Variants in INTS4 observed in about 807,000 individuals in gnomAD.
The protein encoded by INTS4 is integrator complex subunit 4.
A neutral mutation model predicts 119.5 loss-of-function variants in INTS4; 70 were observed. That is an observed-to-expected ratio of 0.59 (90% CI 0.48 to 0.71). The LOEUF (loss-of-function observed/expected upper bound fraction) is 0.71, where lower values mean the gene tolerates loss of function less well. INTS4 is among the 30% of genes least tolerant of loss of function. The probability of loss-of-function intolerance (pLI) is 0.00; values close to 1 mark genes in which losing one functional copy is unlikely to be tolerated. For missense variants in INTS4, 867 were observed against 1,173.2 expected (o/e 0.74, Z 3.81); for synonymous variants, 316 against 419.6 (o/e 0.75, Z 3.02).
At chr11:77,943,810 G>C (rs1953985409) in intron 8 of INTS4, among the ~76,000 whole-genome samples, 1 of 152,166 alleles carries the variant, frequency 6.6e-6, no homozygotes, top group Non-Finnish European at 1.5e-5. Flanking sequence ...TATCACACCT[G>C]CTTTAAGAAC....
chr11:77,907,813 A>G lies in INTS4; in HGVS notation c.1923-3T>C. On this transcript the variant is annotated splice_polypyrimidine_tract_variant and splice_region_variant and intron_variant, in intron 15 of 22. Coordinates refer to ENST00000534064, the MANE Select transcript of INTS4 (RefSeq NM_033547.4). ...GTTCTCCAAGTCTTTGCAGATCCCT[A>G]TAGTAAATAAAACCCCCAAGGCAAA... 7 of 1,599,884 alleles carry G rather than the reference A, an allele frequency of 4.4e-6. No individual in the cohort carries two copies. Among genetic ancestry groups the G allele is most frequent in the Non-Finnish European group, 6.0e-6 (7 of 1,168,344 alleles).
At chr11:77,970,896 C>G (rs1855703227) in intron 4 of INTS4, among the ~76,000 whole-genome samples, 1 of 152,148 alleles carries the variant, frequency 6.6e-6, no homozygotes, top group African/African-American at 2.4e-5. Flanking sequence ...ACTGCAACCT[C>G]CACCTCCCAG....
Position 77,980,097 on chromosome 11 carries a change from A to G in INTS4, c.365-995T>C, listed in dbSNP as rs192625486. ...ACATACCAGGCCTTCCATGTTGTCT[A>G]CCCTTGCCTATCTTTCTAGCTTCAT... On this transcript the variant is annotated intron_variant, in intron 3 of 22. Transcript: ENST00000534064. Among the ~76,000 whole-genome samples, 12 of 151,584 alleles carry G rather than the reference A, an allele frequency of 7.9e-5. No homozygotes were observed. The East Asian group carries it at 2.1e-3, about 27-fold the overall frequency.
At chr11:77,886,626 C>A (rs1246028898) in intron 21 of INTS4, among the ~76,000 whole-genome samples, 2 of 152,144 alleles carry the variant, frequency 1.3e-5, no homozygotes, top group Non-Finnish European at 1.5e-5. Context: ...TACCTACTAT[C>A]CAGCGAAACC....
chr11:77,994,583 A>C lies in INTS4; in HGVS notation c.54+7T>G. On this transcript the variant is annotated splice_region_variant and intron_variant, in intron 1 of 22. Transcript: ENST00000534064. ...ATCGGTTCTGGATCTTTCCCGCCAGAGCTTACCTGAACCACTTTCGTGAAT... is the reference window on the plus strand; with the variant it reads ...ATCGGTTCTGGATCTTTCCCGCCAGCGCTTACCTGAACCACTTTCGTGAAT... The C allele has an allele frequency of 6.2e-7, 1 of 1,607,910 alleles. No homozygotes were observed. The highest frequency in any genetic ancestry group is 1.3e-5 in the African/African-American group (1 of 74,950).
chr11:77,939,368 C>T (rs564554242), intron 9 of INTS4, among the ~76,000 whole-genome samples: 8 of 152,104 alleles, frequency 5.3e-5, no homozygotes, highest in South Asian at 2.1e-4. Flanking sequence ...CCCAGCTACT[C>T]GGGAGGCGGA....
intron 6 of INTS4, among the ~76,000 whole-genome samples, 182 bp from the exon 7 acceptor site, chr11:77,959,016 T>C (rs1028384426): frequency 1.3e-5 from 2 of 152,208 alleles, no homozygotes; most frequent in African/African-American, 2.4e-5. Flanking sequence ...GCTCTGGCTG[T>C]ATTCTGACTA....
At chr11:77,906,870 A>C (rs1418374624) in intron 16 of INTS4, among the ~76,000 whole-genome samples, 1 of 152,190 alleles carries the variant, frequency 6.6e-6, no homozygotes, top group Non-Finnish European at 1.5e-5. Flanking sequence ...GGCTCTCCTA[A>C]ATTCTGTGCC....
At chr11:77,917,559 C>G (rs1953233894) in intron 15 of INTS4, among the ~76,000 whole-genome samples, 2 of 152,042 alleles carry the variant, frequency 1.3e-5, no homozygotes, top group Non-Finnish European at 2.9e-5. Context: ...ATCCTCCCGC[C>G]TCAGTCTCCC....
At chr11:77,937,860 T>C (rs1018975428) in intron 10 of INTS4, among the ~76,000 whole-genome samples, 3 of 150,716 alleles carry the variant, frequency 2.0e-5, no homozygotes, top group African/African-American at 7.3e-5. Flanking sequence ...TATTTATTTT[T>C]TGAGACAGAG....
At chr11:77,874,896 G>C (rs1466779874), downstream of INTS4, among the ~76,000 whole-genome samples, 5 of 152,136 alleles carry the variant, frequency 3.3e-5, no homozygotes, top group Non-Finnish European at 7.4e-5. Flanking sequence ...AATTAGCCAG[G>C]CGTGGTGGCA....
intron 18 of INTS4, among the ~76,000 whole-genome samples, chr11:77,898,997 G>C (rs1952655329): frequency 6.6e-6 from 1 of 152,134 alleles, no homozygotes; most frequent in South Asian, 2.1e-4. Flanking sequence ...TCCAGCCTGG[G>C]TGATAGAGCA....
At chr11:77,954,373 C>T (rs946148934) in intron 8 of INTS4, among the ~76,000 whole-genome samples, 1 of 151,956 alleles carries the variant, frequency 6.6e-6, no homozygotes, top group Non-Finnish European at 1.5e-5. Flanking sequence ...TGGTCTTGAA[C>T]TCCTGGGCTC....
chr11:77,922,526 A>G (rs1474684944), intron 12 of INTS4, 55 bp from the exon 13 acceptor site: 4 of 736,536 alleles, frequency 5.4e-6, no homozygotes, highest in African/African-American at 5.4e-5. Flanking sequence ...TAGTCCTTTG[A>G]AAAGTACTAG....
chr11:77,912,603 G>A (rs190013730), intron 15 of INTS4, among the ~76,000 whole-genome samples: 1 of 152,074 alleles, frequency 6.6e-6, no homozygotes, highest in Non-Finnish European at 1.5e-5. Context: ...ATCAAATGTA[G>A]TTTATTTTTT....
intron 19 of INTS4, among the ~76,000 whole-genome samples, chr11:77,893,032 G>C (rs1226543164): frequency 6.6e-6 from 1 of 152,162 alleles, no homozygotes; most frequent in African/African-American, 2.4e-5. Context: ...CAGGTTTGGT[G>C]AACTTCATGA....
Position 77,961,030 on chromosome 11 carries a change from T to G in INTS4, c.580A>C (p.Arg194=). Residue 194 remains arginine, a synonymous_variant, in exon 5 of 23, where the codon AGA becomes CGA. Coordinates refer to ENST00000534064, the MANE Select transcript of INTS4 (RefSeq NM_033547.4). Reference sequence around the variant, plus strand: ...TCCCCTATAATCTTCTGGACATCTCTGGCAGCTAGGCCTTCTGCATCTTTT... The same window carrying G: ...TCCCCTATAATCTTCTGGACATCTCGGGCAGCTAGGCCTTCTGCATCTTTT... The part of the protein sequence containing the change: ...VTKDAEGLAA[R]DVQKIIGDYF... 7 of 1,613,762 alleles carry G rather than the reference T, an allele frequency of 4.3e-6. No individual in the cohort carries two copies. Among genetic ancestry groups the G allele is most frequent in the Non-Finnish European group, 5.1e-6 (6 of 1,179,928 alleles).
At chr11:77,904,501 A>G (rs1167891657) in intron 16 of INTS4, among the ~76,000 whole-genome samples, 2 of 152,192 alleles carry the variant, frequency 1.3e-5, no homozygotes, top group African/African-American at 2.4e-5. Flanking sequence ...TCTTCATACT[A>G]AGTCTGAGAA....
chr11:77,896,289 A>T (rs892784095), intron 18 of INTS4, among the ~76,000 whole-genome samples: 1 of 152,202 alleles, frequency 6.6e-6, no homozygotes, highest in Non-Finnish European at 1.5e-5. Flanking sequence ...ATGAAATCAA[A>T]CTCAACGGTT....
Sources: gnomAD v4.1 joint callset for allele counts (sites outside exome capture counted in the v4.1 genomes callset) on GRCh38, gnomAD v4.1.1 for gene constraint, MANE v1.5 for transcripts, NCBI Gene and HGNC (gene_info 2026-07-23, HGNC 2026-07-21) for gene names.